SMAD7: variants seen among roughly 807,000 people sequenced by gnomAD.
SMAD7 encodes MAD (mothers against decapentaplegic, Drosophila) homolog 7.
Under a neutral mutation model 38.7 loss-of-function variants are expected in SMAD7, and 8 were observed. The observed-to-expected ratio is 0.21, with a 90% CI of 0.12 to 0.37. SMAD7 has a LOEUF of 0.37. Among genes scored for constraint, SMAD7 ranks in the 10% least tolerant of loss-of-function variants. SMAD7 has a pLI of 1.00. For missense variants in SMAD7, 477 were observed against 577.9 expected (o/e 0.83, Z 1.79); for synonymous variants, 327 against 265.1 (o/e 1.23, Z -2.27).
At chr18:48,923,561 G>C (rs1483758496) in intron 3 of SMAD7, among the ~76,000 whole-genome samples, 1 of 152,148 alleles carries the variant, frequency 6.6e-6, no homozygotes, top group Non-Finnish European at 1.5e-5. Flanking sequence ...ACTGCGGCCT[G>C]CTGGGGCAGC....
chr18:48,936,619 C>T lies in SMAD7; in HGVS notation c.742+5862G>A, dbSNP rs140792025. On this transcript the variant is annotated intron_variant, in intron 3 of 3. Coordinates refer to ENST00000262158, the MANE Select transcript of SMAD7 (RefSeq NM_005904.4). ...CTGAATCCCGAGGGATTTTAGTGTG[C>T]GAGCAAGTCCAGGAACCAGCACTTT... Among the ~76,000 whole-genome samples the T allele has an allele frequency of 7.9e-4, 121 of 152,302 alleles. 3 individuals carry two copies. The East Asian group carries it at 0.021, about 27-fold the overall frequency.
intron 3 of SMAD7, among the ~76,000 whole-genome samples, chr18:48,940,658 AG>A (rs2143803933): frequency 6.6e-6 from 1 of 152,300 alleles, no homozygotes; most frequent in Non-Finnish European, 1.5e-5. Context: ...AGGCTGAGGC[AG>A]GAGAATTGCT....
At chr18:48,922,654 A>G (rs2069875846) in intron 3 of SMAD7, among the ~76,000 whole-genome samples, 1 of 152,154 alleles carries the variant, frequency 6.6e-6, no homozygotes, top group African/African-American at 2.4e-5. Context: ...GCAGACCGGT[A>G]TTAACCCGGG....
intron 3 of SMAD7, among the ~76,000 whole-genome samples, chr18:48,940,432 G>A (rs961826994): frequency 2.6e-5 from 4 of 152,106 alleles, no homozygotes; most frequent in African/African-American, 9.7e-5. Flanking sequence ...TTCTTTCTAG[G>A]ACTGGAAGAG....
Position 48,921,566 on chromosome 18 carries a change from C to T in SMAD7, c.1087G>A (p.Gly363Ser). The change falls in exon 4 of 4, where the codon GGT (glycine) becomes AGT (serine). Residue 363 changes from glycine to serine, a missense_variant. Around this residue, in one of 2 missense-constraint regions of SMAD7, gnomAD observed 101 missense variants for 198.5 expected, o/e 0.51. Transcript: ENST00000262158. The surrounding 1 kb of genome is among the most constrained non-coding windows in gnomAD (Gnocchi z 6.4). ...TAGTCGAAAGCCTTGATGGAGAAAC[C>T]GGGGAACACCTTGTGTACCAACAGC... ...RTLLVHKVFP[G>S]FSIKAFDYEK... is the part of the protein sequence containing the mutation. The T allele has an allele frequency of 1.9e-6, 3 of 1,614,224 alleles. No homozygotes were observed. Among genetic ancestry groups the T allele is most frequent in the East Asian group, 2.2e-5 (1 of 44,884 alleles).
At position 48,921,899 on chromosome 18, in the gene SMAD7, G is replaced by C; in HGVS notation, c.754C>G (p.Leu252Val). The C allele has an allele frequency of 2.5e-6, 4 of 1,602,630 alleles. No homozygotes were observed. The highest frequency in any genetic ancestry group is 3.4e-6 in the Non-Finnish European group (4 of 1,177,212). The change falls in exon 4 of 4, where the codon CTT becomes GTT. Residue 252 changes from leucine (L) to valine (V), a missense_variant. Physicochemically the swap from Leu to Val is conservative, Grantham distance 32. This residue lies in a region of SMAD7 where 376 missense variants were observed against 379.4 expected (regional missense o/e 0.99). Coordinates refer to ENST00000262158, the MANE Select transcript of SMAD7 (RefSeq NM_005904.4). This position sits in a 1 kb window ranked among gnomAD's most constrained non-coding sequence, Gnocchi z 6.4. ...TGTGACCGATCCCCAGGCTCCAGAA[G>C]AAGTTGGGAATCTAGAAAACACATT... ...APGGLSDSQL[L>V]LEPGDRSHWC...
intron 3 of SMAD7, among the ~76,000 whole-genome samples, chr18:48,926,158 C>CT: frequency 6.6e-6 from 1 of 152,322 alleles, no homozygotes; most frequent in Middle Eastern, 3.4e-3. Context: ...CACCTGAAGG[C>CT]AGAGGGCAGA....
chr18:48,920,928 C>T lies in SMAD7; in HGVS notation c.*444G>A, dbSNP rs1388676431. On this transcript the variant is annotated 3_prime_UTR_variant, in exon 4 of 4. Transcript: ENST00000262158. ...AGACACCGCTTGGGACTGCAAACCT[C>T]TCTGCTGGGGACATCCATAAGAGAC... is the stretch of plus-strand genomic sequence containing the variant. 1.8e-5 allele frequency: 3 copies of T among 163,236 alleles called. No homozygotes were observed. The highest frequency in any genetic ancestry group is 6.0e-5 in the Admixed American group (1 of 16,578). The allele number at this position is 163,236 out of a possible 1,614,324, so 10.1% of individuals were successfully genotyped here. A position where few individuals can be genotyped will look rare whatever the true frequency, so the allele number is the denominator to read the frequency against.
At chr18:48,924,905 T>C (rs1254232697) in intron 3 of SMAD7, among the ~76,000 whole-genome samples, 1 of 152,242 alleles carries the variant, frequency 6.6e-6, no homozygotes, top group Admixed American at 6.5e-5. Flanking sequence ...ACATCCCCCA[T>C]TGCCACTACA....
intron 3 of SMAD7, among the ~76,000 whole-genome samples, chr18:48,923,615 C>A (rs1372255422): frequency 6.6e-6 from 1 of 152,180 alleles, no homozygotes; most frequent in Non-Finnish European, 1.5e-5. Flanking sequence ...ACAGACACCC[C>A]AAGCTGGCCT....
chr18:48,937,858 C>T (rs2070089576), intron 3 of SMAD7, among the ~76,000 whole-genome samples: 1 of 152,160 alleles, frequency 6.6e-6, no homozygotes, highest in African/African-American at 2.4e-5. Flanking sequence ...GATGAAAGGC[C>T]CACATGCCTG....
At chr18:48,929,310 C>A (rs114079414) in intron 3 of SMAD7, among the ~76,000 whole-genome samples, 1,945 of 152,176 alleles carry the variant, frequency 0.013, 36 homozygotes, top group African/African-American at 0.044. Flanking sequence ...CAGCTGCCTT[C>A]CCTCTGGGCA....
At chr18:48,948,502 T>C (rs575305046) in intron 1 of SMAD7, 65 bp from the exon 2 acceptor site, 12 of 1,134,850 alleles carry the variant, frequency 1.1e-5, no homozygotes, top group Non-Finnish European at 1.5e-5. Flanking sequence ...AAACTTATGA[T>C]AACAGAGGCA....
At chr18:48,945,537 G>A (rs1472424477) in intron 2 of SMAD7, among the ~76,000 whole-genome samples, 2 of 152,172 alleles carry the variant, frequency 1.3e-5, no homozygotes, top group Non-Finnish European at 2.9e-5. Context: ...TAAAATGAAT[G>A]ACTGAACCAA....
intron 2 of SMAD7, among the ~76,000 whole-genome samples, chr18:48,946,011 C>T (rs1044632927): frequency 6.6e-6 from 1 of 152,148 alleles, no homozygotes; most frequent in Non-Finnish European, 1.5e-5. Flanking sequence ...TGTCTAAAGT[C>T]CAGGCCTCCC....
chr18:48,921,676 T>C lies in SMAD7; in HGVS notation c.977A>G (p.Glu326Gly). Residue 326 changes from glutamate to glycine, a missense_variant, in exon 4 of 4, where the codon GAG becomes GGG. Glu to Gly is a moderately conservative substitution (Grantham distance 98, BLOSUM62 -2). Around this residue, in one of 2 missense-constraint regions of SMAD7, gnomAD observed 101 missense variants for 198.5 expected, o/e 0.51. Transcript: ENST00000262158. This position sits in a 1 kb window ranked among gnomAD's most constrained non-coding sequence, Gnocchi z 6.4. ...KIGCGIQLTR[E>G]VDGVWVYNRS... is the part of the protein sequence containing the mutation. ...GTTGTACACCCACACACCATCCACC[T>C]CCCGCGTCAGCTGGATGCCGCAGCC... 1 of 1,612,836 alleles carries C rather than the reference T, an allele frequency of 6.2e-7. No individual in the cohort carries two copies. The highest frequency in any genetic ancestry group is 1.1e-5 in the South Asian group (1 of 90,720).
chr18:48,936,100 ACACACACACACACACAC>A (rs1198719258), intron 3 of SMAD7, among the ~76,000 whole-genome samples: 870 of 31,608 alleles, frequency 0.028, 13 homozygotes, highest in African/African-American at 0.18. Context: ...ACACACACAC[ACACACACACACACACAC>A]CACACACACA....
At chr18:48,924,921 T>TC (rs2143759703) in intron 3 of SMAD7, among the ~76,000 whole-genome samples, 1 of 152,288 alleles carries the variant, frequency 6.6e-6, no homozygotes, top group Non-Finnish European at 1.5e-5. Context: ...CTACAGAGAT[T>TC]CCCCTTTGCC....
intron 3 of SMAD7, among the ~76,000 whole-genome samples, chr18:48,939,742 G>A (rs1599231465): frequency 6.6e-6 from 1 of 152,214 alleles, no homozygotes; most frequent in East Asian, 1.9e-4. Context: ...ACAGCACACA[G>A]GGCCTGTGAA....
Sources: allele counts gnomAD v4.1 joint callset (sites outside exome capture counted in the v4.1 genomes callset), GRCh38; gene constraint gnomAD v4.1.1; regional missense constraint gnomAD v4.1.1; non-coding constraint Gnocchi (gnomAD v3.1); transcripts MANE v1.5; gene names NCBI Gene and HGNC (gene_info 2026-07-23, HGNC 2026-07-21).